The following THAP12 variants were observed in gnomAD, a reference collection of about 807,000 sequenced individuals.
THAP12 encodes the protein 52 kDa repressor of the inhibitor of the protein kinase.
A neutral mutation model predicts 63.0 loss-of-function variants in THAP12; 20 were observed. The observed-to-expected ratio is 0.32, with a 90% CI of 0.22 to 0.46. The LOEUF (loss-of-function observed/expected upper bound fraction) is 0.46. THAP12 is among the 20% of genes least tolerant of loss of function. THAP12 has a pLI of 1.00. For missense variants in THAP12, 568 were observed against 908.2 expected, an observed-to-expected ratio of 0.63 and a Z score of 4.81; for synonymous variants, 264 against 328.4, an observed-to-expected ratio of 0.80 and a Z score of 2.12.
At chr11:76,358,599 G>A (rs888184576) in intron 3 of THAP12, 9 of 152,094 alleles carry the variant, frequency 5.9e-5, no homozygotes, top group Non-Finnish European at 2.9e-5. Context: ...GAGCCCAGGA[G>A]TTTGAGACCA....
intron 1 of THAP12, among the ~76,000 whole-genome samples, chr11:76,374,409 G>C (rs1287359574): frequency 6.7e-6 from 1 of 149,534 alleles, no homozygotes; most frequent in African/African-American, 2.5e-5. Flanking sequence ...AAACACATCA[G>C]TATCATCAGT....
chr11:76,364,777 T>C (rs1216004010), intron 2 of THAP12, among the ~76,000 whole-genome samples: 1 of 152,208 alleles, frequency 6.6e-6, no homozygotes, highest in Non-Finnish European at 1.5e-5. Flanking sequence ...CCTGGATAAT[T>C]TGTTTACCAT....
chr11:76,353,103 T>A (rs187649340), intron 4 of THAP12, among the ~76,000 whole-genome samples: 1 of 152,000 alleles, frequency 6.6e-6, no homozygotes, highest in East Asian at 1.9e-4. Context: ...CCCAGGCTGG[T>A]CTTGAACTCC....
intron 4 of THAP12, among the ~76,000 whole-genome samples, chr11:76,354,295 A>G (rs1180643986): frequency 6.6e-6 from 1 of 152,186 alleles, no homozygotes; most frequent in Non-Finnish European, 1.5e-5. Context: ...TGACACTGCT[A>G]TTCATTATAT....
intron 1 of THAP12, among the ~76,000 whole-genome samples, chr11:76,367,517 G>C (rs1276194147): frequency 6.6e-6 from 1 of 152,196 alleles, no homozygotes; most frequent in East Asian, 1.9e-4. Flanking sequence ...CTGCCTCCCA[G>C]GTTCAAGCAA....
chr11:76,356,835 G>A (rs1946564558), intron 3 of THAP12: 1 of 152,108 alleles, frequency 6.6e-6, no homozygotes, highest in Non-Finnish European at 1.5e-5. Flanking sequence ...CTGAGGTCGG[G>A]AGTTCAAGAC....
Position 76,373,191 on chromosome 11 carries a change from T to TTTTTC in THAP12, c.90-7220_90-7219insGAAAA, listed in dbSNP as rs1946686185. Among the ~76,000 whole-genome samples the TTTTTC allele has an allele frequency of 4.6e-5, 7 of 151,710 alleles. No individual in the cohort carries two copies. The East Asian group carries it at 1.2e-3, about 26-fold the overall frequency. ...CGAAACCCTGTCTCTACAAAAAATA[T>TTTTTC]AAAAATTAGCCAGGCATGGTGGTAT... On this transcript the variant is annotated intron_variant, in intron 1 of 4. Transcript: ENST00000260045.
intron 4 of THAP12, among the ~76,000 whole-genome samples, chr11:76,353,082 T>C (rs1301991276): frequency 6.6e-6 from 1 of 152,062 alleles, no homozygotes. Context: ...GCGGGGAGTC[T>C]CACTATGTTG....
rs548602269 is a variant in THAP12 at position 76,355,672 on chromosome 11, AAAAG to A, written c.319-22_319-19del. 2,028 of 1,571,238 alleles carry A rather than the reference AAAAG, an allele frequency of 1.3e-3. 10 individuals are homozygous for A. The highest frequency in any genetic ancestry group is 2.1e-4 in the Non-Finnish European group (241 of 1,160,400). Reference sequence around the variant, plus strand: ...TCTTCACTCTAAATGTCAAGAAAAAAAAAGAAAAAAACAAATCATCTTTAAAAAA... The same window carrying A: ...TCTTCACTCTAAATGTCAAGAAAAAAAAAAAAACAAATCATCTTTAAAAAA... On this transcript the variant is annotated intron_variant, in intron 3 of 4. Transcript: ENST00000260045.
rs2134495887 is a variant in THAP12, at chr11:76,350,774, A to C, written c.*90T>G. The C allele has an allele frequency of 7.3e-7, 1 of 1,369,474 alleles. No individual in the cohort carries two copies. The highest frequency in any genetic ancestry group is 2.7e-5 in the East Asian group (1 of 37,392). The allele number at this position is 1,369,474 out of a possible 1,614,324, so 84.8% of individuals were successfully genotyped here. On this transcript the variant is annotated 3_prime_UTR_variant, in exon 5 of 5. Transcript: ENST00000260045. ...ATGTATTCAATGGAGTCCTATAGGC[A>C]AAGATATTTAGTGATTAAGTGGTCT... is the stretch of plus-strand genomic sequence containing the variant.
intron 1 of THAP12, among the ~76,000 whole-genome samples, chr11:76,374,141 A>C (rs78154457): frequency 0.014 from 2,058 of 152,284 alleles, 61 homozygotes; most frequent in African/African-American, 0.047. Flanking sequence ...AGGTTATTAC[A>C]ATACTCCTCT....
intron 3 of THAP12, among the ~76,000 whole-genome samples, chr11:76,360,674 C>A (rs1461576486): frequency 6.6e-6 from 1 of 152,138 alleles, no homozygotes; most frequent in African/African-American, 2.4e-5. Context: ...GTAGCTTTTT[C>A]CTTCTTCTCC....
rs1195049917 is a variant in THAP12, at chr11:76,350,246, T to G, written c.*618A>C. The stretch of plus-strand genomic sequence containing the variant: ...ATACCTGCTAAAAAGCTTAGGAAGA[T>G]GTAGGCTCCACAAAGGAATGTAAAC... On this transcript the variant is annotated 3_prime_UTR_variant, in exon 5 of 5. Transcript: ENST00000260045. 1 of 152,334 alleles carries G rather than the reference T, an allele frequency of 6.6e-6. No individual in the cohort carries two copies. Among genetic ancestry groups the G allele is most frequent in the African/African-American group, 2.4e-5 (1 of 41,446 alleles). The allele number at this position is 152,334 out of a possible 1,614,324, so 9.4% of individuals were successfully genotyped here. A position where few individuals can be genotyped will look rare whatever the true frequency, so the allele number is the denominator to read the frequency against.
chr11:76,362,340 G>A (rs767137981), intron 2 of THAP12, among the ~76,000 whole-genome samples: 9 of 152,210 alleles, frequency 5.9e-5, no homozygotes, highest in Non-Finnish European at 7.3e-5. Flanking sequence ...CCCAAGGAAG[G>A]GAGGTTGGGA....
chr11:76,359,386 G>C (rs187163282), intron 3 of THAP12: 2 of 152,020 alleles, frequency 1.3e-5, no homozygotes, highest in Admixed American at 6.5e-5. Context: ...AGTTTATACT[G>C]TAACAGTAAA....
rs770364616 is a variant in THAP12 at position 76,349,971 on chromosome 11, CATTTT to C, written c.*888_*892del. The C allele has an allele frequency of 2.6e-5, 4 of 152,740 alleles. No homozygotes were observed. Among genetic ancestry groups the C allele is most frequent in the Admixed American group, 1.3e-4 (2 of 15,276 alleles). The allele number at this position is 152,740 out of a possible 1,614,324, so 9.5% of individuals were successfully genotyped here. ...GTGCCTAAGCTTTAAACAAAATTCA[CATTTT>C]ATTTAGATTGAAATAAACTATACAA... On this transcript the variant is annotated 3_prime_UTR_variant, in exon 5 of 5. Coordinates refer to ENST00000260045, the MANE Select transcript of THAP12 (RefSeq NM_004705.4).
At chr11:76,365,798 T>A in intron 2 of THAP12, 54 bp downstream of exon 2, 2 of 1,571,268 alleles carry the variant, frequency 1.3e-6, no homozygotes, top group Admixed American at 1.7e-5. Context: ...CCAGACACAG[T>A]GAGAGAGAGA....
At chr11:76,373,320 T>C (rs2134515103) in intron 1 of THAP12, among the ~76,000 whole-genome samples, 1 of 143,480 alleles carries the variant, frequency 7.0e-6, no homozygotes, top group East Asian at 2.0e-4. Context: ...CACTTTAGCC[T>C]GGGTGACAGT....
chr11:76,380,742 G>A lies in THAP12; in HGVS notation c.89+6C>T. On this transcript the variant is annotated splice_donor_region_variant and intron_variant, in intron 1 of 4. Transcript: ENST00000260045. Reference sequence around the variant, plus strand: ...CCGGGCCGCCCGCTCTGCGCCCGCCGCTTACCTGGCAGGGTCCCGCGGGAA... The same window carrying A: ...CCGGGCCGCCCGCTCTGCGCCCGCCACTTACCTGGCAGGGTCCCGCGGGAA... The A allele has an allele frequency of 1.4e-6, 2 of 1,437,116 alleles. No homozygotes were observed. Among genetic ancestry groups the A allele is most frequent in the Non-Finnish European group, 1.8e-6 (2 of 1,086,632 alleles). The allele number at this position is 1,437,116 out of a possible 1,614,324, so 89.0% of individuals were successfully genotyped here.
Sources: allele counts gnomAD v4.1 joint callset (sites outside exome capture counted in the v4.1 genomes callset), GRCh38; gene constraint gnomAD v4.1.1; transcripts MANE v1.5; gene names NCBI Gene and HGNC (gene_info 2026-07-23, HGNC 2026-07-21).